The following CADPS2 variants were observed in gnomAD, a reference collection of about 807,000 sequenced individuals.
CADPS2 encodes the protein calcium-dependent secretion activator 2.
In CADPS2, 93 loss-of-function variants were observed where a neutral mutation model predicts 172.5. That is an observed-to-expected ratio of 0.54 (90% confidence interval 0.46 to 0.64). The LOEUF (loss-of-function observed/expected upper bound fraction) is 0.64. Among genes scored for constraint, CADPS2 ranks in the 30% least tolerant of loss-of-function variants. The pLI, the probability that CADPS2 is intolerant of heterozygous loss-of-function variation, is 0.00. For synonymous variants in CADPS2, 546 were observed against 555.2 expected (o/e 0.98, Z 0.23); for missense variants, 1,420 against 1,565.9 (o/e 0.91, Z 1.57).
At chr7:122,782,765 T>C (rs1343477062) in intron 1 of CADPS2, among the ~76,000 whole-genome samples, 2 of 152,236 alleles carry the variant, frequency 1.3e-5, no homozygotes, top group Non-Finnish European at 2.9e-5. Flanking sequence ...GATTTTCTGT[T>C]TTAGTCACAT....
intron 2 of CADPS2, among the ~76,000 whole-genome samples, chr7:122,704,332 G>C (rs1418360915): frequency 2.6e-5 from 4 of 151,540 alleles, no homozygotes; most frequent in Non-Finnish European, 5.9e-5. Flanking sequence ...GGTAACACCT[G>C]AACTGTCCTT....
At chr7:122,880,974 T>C (rs1432286768) in intron 1 of CADPS2, among the ~76,000 whole-genome samples, 1 of 152,202 alleles carries the variant, frequency 6.6e-6, no homozygotes, top group Non-Finnish European at 1.5e-5. Context: ...AATCCACCTC[T>C]TCCTTCACAA....
intron 14 of CADPS2, among the ~76,000 whole-genome samples, chr7:122,468,993 G>C (rs1218347836): frequency 1.3e-5 from 2 of 152,172 alleles, no homozygotes; most frequent in Non-Finnish European, 2.9e-5. Flanking sequence ...TGTGTACACA[G>C]TTTAAACTTT....
At chr7:122,479,385 AAGT>A (rs1004809413) in intron 12 of CADPS2, among the ~76,000 whole-genome samples, 10 of 152,226 alleles carry the variant, frequency 6.6e-5, no homozygotes, top group Admixed American at 1.3e-4. Context: ...TGGCACAGCA[AAGT>A]AGGTGCCACT....
intron 2 of CADPS2, among the ~76,000 whole-genome samples, chr7:122,706,828 G>C (rs1390469757): frequency 6.8e-6 from 1 of 147,880 alleles, no homozygotes; most frequent in African/African-American, 2.5e-5. Context: ...ATATATGTAT[G>C]TACACACACA....
At chr7:122,474,351 T>C (rs1586407553) in intron 13 of CADPS2, 30 bp downstream of exon 13, 2 of 1,602,602 alleles carry the variant, frequency 1.2e-6, no homozygotes, top group East Asian at 2.2e-5. Context: ...TTATTCCAAC[T>C]TATAGGGGAC....
intron 8 of CADPS2, among the ~76,000 whole-genome samples, chr7:122,547,175 A>G (rs549501145): frequency 2.0e-5 from 3 of 152,224 alleles, no homozygotes; most frequent in East Asian, 1.9e-4. Flanking sequence ...CCCACAAGAA[A>G]TGTTGCTAAA....
At chr7:122,775,035 T>C (rs2093831739) in intron 1 of CADPS2, among the ~76,000 whole-genome samples, 2 of 152,174 alleles carry the variant, frequency 1.3e-5, no homozygotes, top group South Asian at 4.1e-4. Flanking sequence ...TTTTTTAAAA[T>C]ACAAAATTAA....
intron 1 of CADPS2, among the ~76,000 whole-genome samples, chr7:122,825,255 C>T (rs1024837723): frequency 3.0e-4 from 45 of 152,100 alleles, no homozygotes; most frequent in African/African-American, 1.0e-3. Context: ...TCCCAAAATA[C>T]ACTTTGTAAA....
chr7:122,854,684 T>C (rs1016385473), intron 1 of CADPS2, among the ~76,000 whole-genome samples: 1 of 152,196 alleles, frequency 6.6e-6, no homozygotes, highest in African/African-American at 2.4e-5. Context: ...TTAACAATCA[T>C]AGACAATTTA....
intron 5 of CADPS2, among the ~76,000 whole-genome samples, chr7:122,619,753 G>A (rs2075366653): frequency 6.6e-6 from 1 of 152,166 alleles, no homozygotes; most frequent in Admixed American, 6.6e-5. Context: ...CACTCAGCAG[G>A]AGATCTGAGA....
chr7:122,712,322 G>C (rs533001176), intron 2 of CADPS2, among the ~76,000 whole-genome samples: 4 of 152,068 alleles, frequency 2.6e-5, no homozygotes, highest in African/African-American at 4.8e-5. Flanking sequence ...GCATGACTAA[G>C]GACCTGCCAT....
Position 122,605,062 on chromosome 7 carries a change from A to C in CADPS2, c.1223+10119T>G, listed in dbSNP as rs556590275. Among the ~76,000 whole-genome samples, 242 of 152,298 alleles carry C rather than the reference A, an allele frequency of 1.6e-3. 1 individual carries two copies. The highest frequency in any genetic ancestry group is 0.014 in the Middle Eastern group (4 of 294). On this transcript the variant is annotated intron_variant, in intron 6 of 29. Coordinates refer to ENST00000449022, the MANE Select transcript of CADPS2 (RefSeq NM_017954.11). ...TAAATACTGTAGACAACTGTAACAC[A>C]AAGGTAAGTATGTGTATTTCTAAAC...
At chr7:122,490,052 T>C in intron 11 of CADPS2, 29 bp downstream of exon 11, 1 of 1,590,610 alleles carries the variant, frequency 6.3e-7, no homozygotes, top group East Asian at 2.2e-5. Context: ...TATTAATTGA[T>C]AATCAAATTA....
At chr7:122,662,671 C>T (rs1438325555) in intron 3 of CADPS2, among the ~76,000 whole-genome samples, 1 of 152,092 alleles carries the variant, frequency 6.6e-6, no homozygotes, top group Non-Finnish European at 1.5e-5. Flanking sequence ...CCATGCCTGG[C>T]CTTTATCCCA....
At chr7:122,513,695 A>G (rs1434796442) in intron 8 of CADPS2, among the ~76,000 whole-genome samples, 1 of 152,222 alleles carries the variant, frequency 6.6e-6, no homozygotes, top group Non-Finnish European at 1.5e-5. Flanking sequence ...GGAGCTGAGT[A>G]GTGCGCCCTG....
chr7:122,629,203 G>C, intron 4 of CADPS2, 45 bp downstream of exon 4: 1 of 1,435,036 alleles, frequency 7.0e-7, no homozygotes, highest in Non-Finnish European at 9.5e-7. Flanking sequence ...AGAAATCTAG[G>C]TAAAGAAAGG....
chr7:122,416,077 T>C lies in CADPS2; in HGVS notation c.2564A>G (p.Glu855Gly), dbSNP rs1190216543. 6.5e-7 allele frequency: 1 copy of C among 1,535,398 alleles called. No homozygotes were observed. ...GGTCATCACCTCTGCATGATGCTCT[T>C]CATTCTGCTGTAAGACTTCTATGCA... is the stretch of plus-strand genomic sequence containing the variant. ...ELCIEVLQQN[E>G]EHHAEGREAF... The change falls in exon 18 of 30, where the codon GAA becomes GGA. Residue 855 changes from glutamate to glycine, a missense_variant. Physicochemically the swap from Glu to Gly is moderately conservative, Grantham distance 98. Coordinates refer to ENST00000449022, the MANE Select transcript of CADPS2 (RefSeq NM_017954.11).
At chr7:122,645,448 CACAT>C (rs1346870501) in intron 3 of CADPS2, among the ~76,000 whole-genome samples, 15 of 86,792 alleles carry the variant, frequency 1.7e-4, no homozygotes, top group African/African-American at 4.6e-4. Context: ...TATATACACA[CACAT>C]ATGTATATAT....
Sources: gnomAD v4.1 joint callset for allele counts (sites outside exome capture counted in the v4.1 genomes callset) on GRCh38, gnomAD v4.1.1 for gene constraint, MANE v1.5 for transcripts, NCBI Gene and HGNC (gene_info 2026-07-23, HGNC 2026-07-21) for gene names.